Variants in TMC1 observed in about 807,000 individuals in gnomAD.
TMC1 encodes the protein transmembrane channel-like protein 1.
Under a neutral mutation model 105.8 loss-of-function variants are expected in TMC1, and 84 were observed. The ratio of observed to expected loss-of-function variants is 0.79; its 90% CI spans 0.67 to 0.95. The LOEUF (loss-of-function observed/expected upper bound fraction) is 0.95. Among genes scored for constraint, TMC1 ranks in the 40% least tolerant of loss-of-function variants. The pLI, the probability that TMC1 is intolerant of heterozygous loss-of-function variation, is 0.00. For synonymous variants in TMC1, 315 were observed against 311.5 expected (o/e 1.01, Z -0.12); for missense variants, 817 against 914.1 (o/e 0.89, Z 1.37).
At chr9:72,650,864 G>A (rs1309273909) in intron 5 of TMC1, among the ~76,000 whole-genome samples, 10 of 93,082 alleles carry the variant, frequency 1.1e-4, no homozygotes, top group Non-Finnish European at 1.7e-4. Flanking sequence ...GGTATTTCAT[G>A]GTGTATTTTA....
chr9:72,658,157 T>C (rs980980343), intron 5 of TMC1, among the ~76,000 whole-genome samples: 1 of 152,158 alleles, frequency 6.6e-6, no homozygotes, highest in Admixed American at 6.5e-5. Flanking sequence ...TAGACACTCC[T>C]TGAGAAGCTC....
intron 8 of TMC1, among the ~76,000 whole-genome samples, chr9:72,714,581 T>C (rs1386769506): frequency 3.4e-5 from 5 of 145,024 alleles, no homozygotes; most frequent in Non-Finnish European, 7.5e-5. Context: ...GAGACTAGGA[T>C]TGGAACCTCT....
chr9:72,682,829 C>T (rs1383058122), intron 5 of TMC1, among the ~76,000 whole-genome samples: 2 of 152,194 alleles, frequency 1.3e-5, no homozygotes, highest in East Asian at 1.9e-4. Flanking sequence ...GTTCTGCAGG[C>T]TGTACAGAAA....
intron 23 of TMC1, among the ~76,000 whole-genome samples, chr9:72,831,609 C>T (rs1417556422): frequency 6.6e-6 from 1 of 151,994 alleles, no homozygotes; most frequent in Non-Finnish European, 1.5e-5. Flanking sequence ...CACGACAGGC[C>T]CCGGTATGTG....
intron 5 of TMC1, chr9:72,655,925 A>T: frequency 1.3e-6 from 1 of 798,962 alleles, no homozygotes; most frequent in Admixed American, 1.7e-5. Flanking sequence ...TGAGCAAGTC[A>T]ATGAGTCGCT....
intron 13 of TMC1, among the ~76,000 whole-genome samples, chr9:72,783,718 A>G (rs576960903): frequency 2.0e-5 from 3 of 152,282 alleles, no homozygotes; most frequent in Middle Eastern, 3.4e-3. Flanking sequence ...TAAGTTAGAG[A>G]ATCTAGAAAT....
At chr9:72,776,638 T>A (rs1828010192) in intron 13 of TMC1, among the ~76,000 whole-genome samples, 1 of 152,158 alleles carries the variant, frequency 6.6e-6, no homozygotes, top group Non-Finnish European at 1.5e-5. Flanking sequence ...TGCTTCTCCT[T>A]ACGTAGGCCA....
At chr9:72,643,546 T>G (rs1825660830) in intron 4 of TMC1, among the ~76,000 whole-genome samples, 1 of 152,214 alleles carries the variant, frequency 6.6e-6, no homozygotes, top group South Asian at 2.1e-4. Context: ...TTAAATCATA[T>G]AGCATGTGCT....
intron 5 of TMC1, among the ~76,000 whole-genome samples, chr9:72,670,494 A>G (rs76104934): frequency 5.1e-4 from 77 of 152,302 alleles, no homozygotes; most frequent in African/African-American, 1.8e-3. Flanking sequence ...TAAAATTCAT[A>G]ATGTCTAATA....
chr9:72,730,831 G>A (rs973201526), intron 8 of TMC1, among the ~76,000 whole-genome samples: 13 of 152,194 alleles, frequency 8.5e-5, no homozygotes, highest in African/African-American at 2.9e-4. Context: ...TTCTCATAAG[G>A]AGTTCACAAC....
chr9:72,600,277 C>G (rs1587981400), intron 2 of TMC1, among the ~76,000 whole-genome samples: 1 of 152,290 alleles, frequency 6.6e-6, no homozygotes, highest in African/African-American at 2.4e-5. Flanking sequence ...TATACTCAAG[C>G]AACAAAATGC....
intron 12 of TMC1, among the ~76,000 whole-genome samples, chr9:72,770,283 T>C (rs998564162): frequency 2.0e-5 from 3 of 149,160 alleles, no homozygotes; most frequent in African/African-American, 7.3e-5. Flanking sequence ...TACACACATA[T>C]ACATATATAT....
chr9:72,689,324 C>T (rs1361469047), intron 6 of TMC1, among the ~76,000 whole-genome samples: 2 of 152,060 alleles, frequency 1.3e-5, no homozygotes, highest in Non-Finnish European at 2.9e-5. Flanking sequence ...CGGATGATTT[C>T]TTGATGACCA....
At chr9:72,683,733 T>TATATA (rs1588029653) in intron 5 of TMC1, among the ~76,000 whole-genome samples, 1,498 of 53,324 alleles carry the variant, frequency 0.028, 160 homozygotes, top group East Asian at 0.047. Context: ...GTTACACATT[T>TATATA]TATATATATA....
At chr9:72,804,490 C>T (rs2118235810) in intron 17 of TMC1, among the ~76,000 whole-genome samples, 1 of 152,300 alleles carries the variant, frequency 6.6e-6, no homozygotes, top group East Asian at 1.9e-4. Context: ...TAGGGGCTTA[C>T]AATATACCAT....
At chr9:72,561,304 C>T (rs1824045029) in intron 1 of TMC1, among the ~76,000 whole-genome samples, 2 of 113,804 alleles carry the variant, frequency 1.8e-5, no homozygotes, top group East Asian at 2.8e-4. Flanking sequence ...GGCGGCAGAG[C>T]GAGACTCCGT....
At chr9:72,740,298 AT>A in intron 9 of TMC1, 89 bp downstream of exon 9, 3 of 1,117,904 alleles carry the variant, frequency 2.7e-6, no homozygotes, top group Non-Finnish European at 4.1e-6. Context: ...AAAATCTTAC[AT>A]TTTGTATATA....
At chr9:72,717,117 G>A (rs1449223911) in intron 8 of TMC1, among the ~76,000 whole-genome samples, 1 of 152,140 alleles carries the variant, frequency 6.6e-6, no homozygotes, top group Non-Finnish European at 1.5e-5. Context: ...CCAATGAAAT[G>A]AACTGGGTAC....
intron 12 of TMC1, among the ~76,000 whole-genome samples, chr9:72,769,447 C>A (rs1482132212): frequency 6.6e-6 from 1 of 152,180 alleles, no homozygotes; most frequent in African/African-American, 2.4e-5. Context: ...CCAGGACAGG[C>A]CTCTCCTTGC....
Sources: gnomAD v4.1 joint callset for allele counts (sites outside exome capture counted in the v4.1 genomes callset) on GRCh38, gnomAD v4.1.1 for gene constraint, MANE v1.5 for transcripts, NCBI Gene and HGNC (gene_info 2026-07-23, HGNC 2026-07-21) for gene names.